Variants in SOX6 observed in about 807,000 individuals in gnomAD.
The protein encoded by SOX6 is SRY-box transcription factor 6.
A neutral mutation model predicts 97.8 loss-of-function variants in SOX6; 11 were observed. That is an observed-to-expected ratio of 0.11 (90% CI 0.07 to 0.19). The LOEUF (loss-of-function observed/expected upper bound fraction) is 0.19, where lower values mean the gene tolerates loss of function less well. Among genes scored for constraint, SOX6 ranks in the 10% least tolerant of loss-of-function variants. The pLI is 1.00. For missense variants in SOX6, 810 were observed against 1,039.5 expected (o/e 0.78, Z 3.04); for synonymous variants, 360 against 371.4 (o/e 0.97, Z 0.35).
chr11:16,283,175 G>A (rs1854629382), intron 3 of SOX6, among the ~76,000 whole-genome samples: 1 of 146,184 alleles, frequency 6.8e-6, no homozygotes, highest in Admixed American at 6.9e-5. Context: ...GTGCCACCCA[G>A]TTCATATCAA....
intron 6 of SOX6, among the ~76,000 whole-genome samples, chr11:16,132,302 G>GAAAAAA (rs1172031099): frequency 1.9e-5 from 2 of 106,802 alleles, no homozygotes; most frequent in Admixed American, 2.3e-4. Flanking sequence ...AAGGAAGGAA[G>GAAAAAA]GAAGGAAGGA....
chr11:16,353,371 T>A (rs907727264), intron 1 of SOX6, among the ~76,000 whole-genome samples: 1 of 152,078 alleles, frequency 6.6e-6, no homozygotes, highest in African/African-American at 2.4e-5. Context: ...ACATTACATA[T>A]ATCCTAACTT....
chr11:16,378,799 A>C (rs1490274646), intron 1 of SOX6, among the ~76,000 whole-genome samples: 2 of 152,104 alleles, frequency 1.3e-5, no homozygotes, highest in Non-Finnish European at 2.9e-5. Context: ...TAATTAGACA[A>C]AATGACAAAA....
intron 12 of SOX6, among the ~76,000 whole-genome samples, chr11:16,028,668 G>A (rs1479975056): frequency 6.6e-6 from 1 of 152,180 alleles, no homozygotes; most frequent in Non-Finnish European, 1.5e-5. Context: ...AGACCGAGAA[G>A]CTAATATCCC....
At chr11:16,473,780 G>C (rs951529783) in intron 1 of SOX6, among the ~76,000 whole-genome samples, 1 of 152,110 alleles carries the variant, frequency 6.6e-6, no homozygotes, top group African/African-American at 2.4e-5. Context: ...TCGAACTCCT[G>C]ACCTTGTGAT....
chr11:16,319,181 T>C (rs371146050), intron 2 of SOX6, among the ~76,000 whole-genome samples: 1 of 152,144 alleles, frequency 6.6e-6, no homozygotes, highest in Admixed American at 6.6e-5. Context: ...AGAAATTATC[T>C]AAATCAGTGC....
At chr11:15,988,890 G>C (rs892599111) in intron 14 of SOX6, 107 bp downstream of exon 14, 1 of 1,165,698 alleles carries the variant, frequency 8.6e-7, no homozygotes, top group Admixed American at 1.9e-5. Context: ...ACTTGCGCCC[G>C]CCACAATCTC....
chr11:16,508,869 T>TA (rs1323204831), intron 4 of SOX6, among the ~76,000 whole-genome samples: 1 of 152,036 alleles, frequency 6.6e-6, no homozygotes, highest in African/African-American at 2.4e-5. Flanking sequence ...GATAAATACT[T>TA]AAAGTGATGA....
In SOX6 at chr11:16,462,417, T is replaced by C. The variant is rs143828447; in HGVS notation, c.-5+13898A>G. ...GATTTAAATAAGTATCTATTCAATA[T>C]ATCTGGGAGACAGCTACTTCCTGTT... On this transcript the variant is annotated intron_variant, in intron 1 of 15. Transcript: ENST00000396356. 1.8e-3 allele frequency among the ~76,000 whole-genome samples: 279 copies of C among 152,344 alleles called. 3 individuals are homozygous for C. Among genetic ancestry groups the C allele is most frequent in the East Asian group, 8.1e-3 (42 of 5,188 alleles).
intron 1 of SOX6, among the ~76,000 whole-genome samples, chr11:16,417,134 G>A (rs1288679749): frequency 2.6e-5 from 4 of 152,116 alleles, no homozygotes; most frequent in African/African-American, 7.2e-5. Context: ...AAATCCAAAT[G>A]TGCTTTTTTT....
chr11:16,203,568 A>T (rs368658294), intron 4 of SOX6, among the ~76,000 whole-genome samples: 2 of 152,292 alleles, frequency 1.3e-5, no homozygotes, highest in South Asian at 2.1e-4. Flanking sequence ...AAACGCTTAA[A>T]TCCATTCATG....
upstream of SOX6, among the ~76,000 whole-genome samples, chr11:16,480,648 C>G (rs57880976): frequency 1.7e-4 from 24 of 139,624 alleles, 1 homozygote; most frequent in African/African-American, 5.7e-4. Context: ...TTTAGTAACC[C>G]CCCCCCCACC....
At chr11:16,410,832 A>G (rs893181294) in intron 1 of SOX6, among the ~76,000 whole-genome samples, 2 of 151,784 alleles carry the variant, frequency 1.3e-5, no homozygotes, top group African/African-American at 4.8e-5. Context: ...AAATGAAAAC[A>G]GATGATATAC....
intron 4 of SOX6, among the ~76,000 whole-genome samples, chr11:16,506,393 C>T (rs1860789493): frequency 6.6e-6 from 1 of 152,110 alleles, no homozygotes; most frequent in Non-Finnish European, 1.5e-5. Flanking sequence ...GAGTATTTCC[C>T]CAATGCCTAT....
chr11:16,714,544 C>G (rs906285510), intron 3 of SOX6, among the ~76,000 whole-genome samples: 1 of 151,146 alleles, frequency 6.6e-6, no homozygotes, highest in African/African-American at 2.4e-5. Context: ...CTCCGCCTCC[C>G]GGGTTCAAGC....
At chr11:16,717,894 C>T (rs776067700) in intron 2 of SOX6, among the ~76,000 whole-genome samples, 37 of 149,732 alleles carry the variant, frequency 2.5e-4, no homozygotes, top group Non-Finnish European at 5.0e-4. Flanking sequence ...TTTCTTCTGG[C>T]TCAGAAATGT....
intron 12 of SOX6, among the ~76,000 whole-genome samples, chr11:16,029,671 G>A (rs905164492): frequency 5.3e-5 from 8 of 151,368 alleles, no homozygotes; most frequent in Admixed American, 1.3e-4. Context: ...ATTGTCTAAC[G>A]AGAATTAACT....
intron 3 of SOX6, chr11:16,316,323 T>C (rs1009182663): frequency 6.6e-6 from 1 of 151,672 alleles, no homozygotes; most frequent in African/African-American, 2.4e-5. Flanking sequence ...ATTTGTGAGA[T>C]AGGTAAATTT....
intron 2 of SOX6, among the ~76,000 whole-genome samples, chr11:16,717,784 A>G (rs970193958): frequency 2.6e-5 from 4 of 152,066 alleles, no homozygotes; most frequent in African/African-American, 9.7e-5. Flanking sequence ...GCTATTCACA[A>G]TTCACAAAAA....
Sources: gnomAD v4.1 joint callset for allele counts (sites outside exome capture counted in the v4.1 genomes callset) on GRCh38, gnomAD v4.1.1 for gene constraint, MANE v1.5 for transcripts, NCBI Gene and HGNC (gene_info 2026-07-23, HGNC 2026-07-21) for gene names.